The following STRN3 variants were observed in gnomAD, a reference collection of about 807,000 sequenced individuals.
STRN3 encodes the protein striatin 3.
Under a neutral mutation model 95.6 loss-of-function variants are expected in STRN3, and 29 were observed. That is an observed-to-expected ratio of 0.30 (90% CI 0.23 to 0.41). The LOEUF is 0.41. STRN3 is among the 10% of genes least tolerant of loss of function. The pLI is 1.00. For missense variants in STRN3, 890 were observed against 972.1 expected (o/e 0.92, Z 1.12); for synonymous variants, 331 against 357.6 (o/e 0.93, Z 0.84).
At chr14:30,938,898 A>T (rs916193018) in intron 5 of STRN3, among the ~76,000 whole-genome samples, 1 of 152,212 alleles carries the variant, frequency 6.6e-6, no homozygotes, top group African/African-American at 2.4e-5. Flanking sequence ...AATAAAAATT[A>T]AAGGATCATA....
intron 10 of STRN3, among the ~76,000 whole-genome samples, chr14:30,912,912 G>T (rs571408943): frequency 1.3e-5 from 2 of 152,060 alleles, no homozygotes; most frequent in African/African-American, 4.8e-5. Flanking sequence ...AAAAAAAATT[G>T]CTGAAAAACT....
chr14:31,017,769 C>A (rs1481293688), intron 1 of STRN3, among the ~76,000 whole-genome samples: 2 of 152,020 alleles, frequency 1.3e-5, no homozygotes, highest in African/African-American at 4.8e-5. Context: ...TGTATACACA[C>A]AAAAGCGAGC....
chr14:30,956,252 T>A lies in STRN3; in HGVS notation c.283-10A>T. On this transcript the variant is annotated splice_polypyrimidine_tract_variant and intron_variant, in intron 1 of 17. Transcript: ENST00000357479. ...GAAATGCAATCCGGGCCTAAAAATA[T>A]AAAAGATGCATTTATTTACATTTTC... The A allele has an allele frequency of 1.9e-6, 3 of 1,609,928 alleles. No individual in the cohort carries two copies. The highest frequency in any genetic ancestry group is 1.7e-4 in the Middle Eastern group (1 of 6,052).
intron 14 of STRN3, among the ~76,000 whole-genome samples, chr14:30,906,160 T>C (rs1289590330): frequency 6.6e-6 from 1 of 152,176 alleles, no homozygotes; most frequent in Admixed American, 6.5e-5. Flanking sequence ...CTATTAACTA[T>C]CTAGATGAAG....
At position 30,913,646 on chromosome 14, in the gene STRN3, T is replaced by C; in HGVS notation, c.1252A>G (p.Thr418Ala). 6.2e-7 allele frequency: 1 copy of C among 1,613,648 alleles called. No homozygotes were observed. The highest frequency in any genetic ancestry group is 8.5e-7 in the Non-Finnish European group (1 of 1,179,822). ...GARAEEAEPI[T>A]FPSGGGKSFI... ...GACTTGCCTCCTCCAGATGGAAACG[T>C]TATTGGTTCAGCTATAAAGAACAAA... is the stretch of plus-strand genomic sequence containing the variant. The change falls in exon 10 of 18, where the codon ACG becomes GCG. Residue 418 changes from threonine to alanine, a missense_variant. Thr to Ala is a moderately conservative substitution (Grantham distance 58). This residue lies in a region of STRN3 where 526 missense variants were observed against 526.3 expected (regional missense o/e 1.00). Coordinates refer to ENST00000357479, the MANE Select transcript of STRN3 (RefSeq NM_001083893.2).
intron 7 of STRN3, among the ~76,000 whole-genome samples, chr14:30,934,677 T>C (rs1051869962): frequency 2.6e-5 from 4 of 152,164 alleles, no homozygotes; most frequent in Admixed American, 2.0e-4. Flanking sequence ...AATATAGAGC[T>C]ATAATTCAGG....
chr14:30,905,299 A>G, intron 15 of STRN3, 119 bp downstream of exon 15: 1 of 1,055,170 alleles, frequency 9.5e-7, no homozygotes, highest in South Asian at 2.2e-5. Context: ...AACATTATGA[A>G]ACTAATTATT....
At chr14:30,895,986 C>T (rs1896136808) in intron 16 of STRN3, among the ~76,000 whole-genome samples, 1 of 152,160 alleles carries the variant, frequency 6.6e-6, no homozygotes, top group African/African-American at 2.4e-5. Flanking sequence ...ACATTTTCAT[C>T]ACTGGAAAAG....
At chr14:30,976,947 G>A (rs922286559) in intron 1 of STRN3, among the ~76,000 whole-genome samples, 6 of 151,300 alleles carry the variant, frequency 4.0e-5, no homozygotes, top group South Asian at 2.1e-4. Flanking sequence ...AAAATTGACC[G>A]GACATGGTGG....
chr14:30,982,452 C>A (rs1881458280), intron 1 of STRN3, among the ~76,000 whole-genome samples: 1 of 152,186 alleles, frequency 6.6e-6, no homozygotes, highest in Non-Finnish European at 1.5e-5. Context: ...GGACTACAGG[C>A]ACACACCACC....
chr14:31,022,174 T>A (rs1883536490), intron 1 of STRN3, among the ~76,000 whole-genome samples: 1 of 151,668 alleles, frequency 6.6e-6, no homozygotes, highest in African/African-American at 2.4e-5. Flanking sequence ...GGTCAGGAGA[T>A]CAAGACCATC....
chr14:30,925,246 T>TA (rs529056872), intron 8 of STRN3, among the ~76,000 whole-genome samples: 327 of 141,906 alleles, frequency 2.3e-3, no homozygotes, highest in Non-Finnish European at 3.8e-3. Flanking sequence ...GGCAGGGGGG[T>TA]AAAAAAAAGA....
At chr14:30,902,247 A>G (rs918601134) in intron 16 of STRN3, among the ~76,000 whole-genome samples, 2 of 150,498 alleles carry the variant, frequency 1.3e-5, no homozygotes, top group Admixed American at 1.3e-4. Flanking sequence ...TACCTCTTCC[A>G]TCATACTTAT....
At chr14:30,921,373 G>GA (rs1896881282) in intron 8 of STRN3, among the ~76,000 whole-genome samples, 1 of 152,142 alleles carries the variant, frequency 6.6e-6, no homozygotes, top group South Asian at 2.1e-4. Flanking sequence ...ATATAGAAGG[G>GA]AAAGAAATTA....
intron 1 of STRN3, among the ~76,000 whole-genome samples, chr14:30,983,414 G>C (rs1346912596): frequency 6.6e-6 from 1 of 152,112 alleles, no homozygotes. Context: ...GTGTGGTGGC[G>C]TATGCCTGTA....
chr14:30,998,723 A>G (rs1224521911), intron 1 of STRN3, among the ~76,000 whole-genome samples: 1 of 151,354 alleles, frequency 6.6e-6, no homozygotes, highest in Non-Finnish European at 1.5e-5. Flanking sequence ...ACCACAGACA[A>G]CAAAAAATAT....
intron 7 of STRN3, among the ~76,000 whole-genome samples, chr14:30,929,969 A>AAAAAAAAAAAAAAAAAAAAC (rs1878440101): frequency 1.3e-5 from 2 of 149,230 alleles, no homozygotes; most frequent in Non-Finnish European, 1.5e-5. Flanking sequence ...AAAAAAAAAA[A>AAAAAAAAAAAAAAAAAAAAC]AAAAAAAAAA....
chr14:30,966,544 C>T (rs963367102), intron 1 of STRN3, among the ~76,000 whole-genome samples: 11 of 152,144 alleles, frequency 7.2e-5, no homozygotes, highest in African/African-American at 2.2e-4. Context: ...CTCTCAGCAA[C>T]GCAGAGTGGG....
chr14:30,958,082 C>G (rs1410011289), intron 1 of STRN3, among the ~76,000 whole-genome samples: 5 of 152,140 alleles, frequency 3.3e-5, no homozygotes, highest in Non-Finnish European at 7.4e-5. Context: ...TTCTTAACAC[C>G]TGAGAAGCTA....
Sources: gnomAD v4.1 joint callset for allele counts (sites outside exome capture counted in the v4.1 genomes callset) on GRCh38, gnomAD v4.1.1 for gene constraint, gnomAD v4.1.1 regional missense constraint, MANE v1.5 for transcripts, NCBI Gene and HGNC (gene_info 2026-07-23, HGNC 2026-07-21) for gene names.